Variants in DNAAF9 observed in about 807,000 individuals in gnomAD.
DNAAF9 encodes shulin.
In DNAAF9, 90 loss-of-function variants were observed where a neutral mutation model predicts 167.0. That is an observed-to-expected ratio of 0.54 (90% CI 0.45 to 0.64). DNAAF9 has a LOEUF of 0.64. Ranked by LOEUF, DNAAF9 falls within the 30% of genes least tolerant of loss-of-function variation. The pLI, the probability that DNAAF9 is intolerant of heterozygous loss-of-function variation, is 0.00. For synonymous variants in DNAAF9, 491 were observed against 508.8 expected, an observed-to-expected ratio of 0.96 and a Z score of 0.47; for missense variants, 1,315 against 1,442.2, an observed-to-expected ratio of 0.91 and a Z score of 1.43.
Position 3,374,150 on chromosome 20 carries a change from G to A in DNAAF9, c.510C>T (p.His170=). 1 of 1,604,398 alleles carries A rather than the reference G, an allele frequency of 6.2e-7. No homozygotes were observed. The change falls in exon 6 of 37, where the codon CAC becomes CAT. Residue 170 remains histidine (H), a synonymous_variant. Coordinates refer to ENST00000252032, the MANE Select transcript of DNAAF9 (RefSeq NM_001009984.3). ...RIGIPYSSQG[H]LQIFDMFVVE... ...CCACAAACATATCAAATATCTGCAA[G>A]TGACCTAGAAGAATCAAATACAACA...
At chr20:3,356,658 G>C (rs1252608679) in intron 7 of DNAAF9, among the ~76,000 whole-genome samples, 1 of 152,044 alleles carries the variant, frequency 6.6e-6, no homozygotes, top group Non-Finnish European at 1.5e-5. Flanking sequence ...CTGCAGGCTG[G>C]CTATGGCTCA....
chr20:3,265,597 A>G (rs1156866906), intron 30 of DNAAF9, among the ~76,000 whole-genome samples: 1 of 150,548 alleles, frequency 6.6e-6, no homozygotes, highest in South Asian at 2.1e-4. Context: ...AAAAAAAAAA[A>G]GACTATGTTC....
rs1199341347 is a variant in DNAAF9, at chr20:3,295,967, G to T, written c.2018+894C>A. 3.8e-6 allele frequency: 6 copies of T among 1,583,496 alleles called. No individual in the cohort carries two copies. In the African/African-American group the frequency reaches 5.4e-5, roughly 14 times the overall value. ...TGTGATGTTGGGGTGCCAGATCTTG[G>T]TCAGGCATTTCACTTTGGGAGGCAC... On this transcript the variant is annotated intron_variant, in intron 23 of 36. Coordinates refer to ENST00000252032, the MANE Select transcript of DNAAF9 (RefSeq NM_001009984.3).
At chr20:3,317,226 G>T (rs1187337285) in intron 17 of DNAAF9, among the ~76,000 whole-genome samples, 1 of 151,620 alleles carries the variant, frequency 6.6e-6, no homozygotes, top group Non-Finnish European at 1.5e-5. Flanking sequence ...AGCCAGGTGT[G>T]GTGGCGCATC....
At chr20:3,362,177 C>T (rs1455746847) in intron 6 of DNAAF9, 1 of 1,430,706 alleles carries the variant, frequency 7.0e-7, no homozygotes, top group South Asian at 1.2e-5. Context: ...ATTATCATCC[C>T]TGTCCATCTT....
chr20:3,357,251 C>A (rs2083297805), intron 7 of DNAAF9, among the ~76,000 whole-genome samples: 1 of 152,134 alleles, frequency 6.6e-6, no homozygotes, highest in Non-Finnish European at 1.5e-5. Flanking sequence ...GTGGGCGGAC[C>A]ACTTAAGGTC....
chr20:3,324,729 C>T (rs1259267376), intron 14 of DNAAF9, among the ~76,000 whole-genome samples, 163 bp downstream of exon 14: 1 of 152,152 alleles, frequency 6.6e-6, no homozygotes, highest in African/African-American at 2.4e-5. Context: ...GGCTCTTTGG[C>T]TTCTAAGTGA....
rs555721214 is a variant in DNAAF9 at position 3,395,069 on chromosome 20, G to A, written c.83+12406C>T. On this transcript the variant is annotated intron_variant, in intron 1 of 36. Coordinates refer to ENST00000252032, the MANE Select transcript of DNAAF9 (RefSeq NM_001009984.3). ...TGCAAGCTCCGCCTCCCGGGTTCAC[G>A]CCATTCTCCTGCCTCAGCCTCCCAT... Among the ~76,000 whole-genome samples, 541 of 139,482 alleles carry A rather than the reference G, an allele frequency of 3.9e-3. 32 individuals carry two copies. Among genetic ancestry groups the A allele is most frequent in the African/African-American group, 0.012 (453 of 36,470 alleles). The allele number at this position is 139,482 out of a possible 152,430, so 91.5% of individuals were successfully genotyped here.
intron 1 of DNAAF9, among the ~76,000 whole-genome samples, chr20:3,393,977 C>A (rs1358588653): frequency 6.6e-6 from 1 of 152,124 alleles, no homozygotes; most frequent in Non-Finnish European, 1.5e-5. Flanking sequence ...TACTCATATT[C>A]TTTACCTACT....
At chr20:3,263,384 T>C (rs2068429110) in intron 31 of DNAAF9, among the ~76,000 whole-genome samples, 1 of 152,086 alleles carries the variant, frequency 6.6e-6, no homozygotes, top group African/African-American at 2.4e-5. Context: ...CAAATAAACA[T>C]GAGAGATTAA....
chr20:3,306,913 T>C, intron 20 of DNAAF9: 1 of 985,300 alleles, frequency 1.0e-6, no homozygotes, highest in Non-Finnish European at 1.2e-6. Flanking sequence ...GCTCCATAGG[T>C]GTCACGAGGT....
rs1055481028 is a variant in DNAAF9, at chr20:3,252,337, G to C, written c.*235C>G. ...GCCAGTTGCACACGTAGACGGGCAG[G>C]CCCCATCTGCTCATCCTTGAGTATT... On this transcript the variant is annotated 3_prime_UTR_variant, in exon 37 of 37. Coordinates refer to ENST00000252032, the MANE Select transcript of DNAAF9 (RefSeq NM_001009984.3). 3 of 418,990 alleles carry C rather than the reference G, an allele frequency of 7.2e-6. No individual in the cohort carries two copies. The East Asian group carries it at 1.4e-4, about 19-fold the overall frequency. The allele number at this position is 418,990 out of a possible 1,614,324, so 26.0% of individuals were successfully genotyped here.
chr20:3,260,462 G>A (rs1258541111), intron 31 of DNAAF9, among the ~76,000 whole-genome samples: 2 of 152,196 alleles, frequency 1.3e-5, no homozygotes, highest in African/African-American at 4.8e-5. Context: ...TGGGAAGCAT[G>A]ACTGCCCAGT....
intron 6 of DNAAF9, among the ~76,000 whole-genome samples, chr20:3,372,288 G>A (rs2083520890): frequency 6.6e-6 from 1 of 152,188 alleles, no homozygotes; most frequent in African/African-American, 2.4e-5. Context: ...TCAAAGCACT[G>A]GGAAGGGCAG....
intron 10 of DNAAF9, among the ~76,000 whole-genome samples, chr20:3,336,266 T>G (rs1483424664): frequency 6.7e-6 from 1 of 149,348 alleles, no homozygotes; most frequent in African/African-American, 2.5e-5. Context: ...TTGTTTTTTT[T>G]TTTTTTTTTG....
At chr20:3,285,406 C>T (rs749290307) in intron 27 of DNAAF9, among the ~76,000 whole-genome samples, 3 of 151,906 alleles carry the variant, frequency 2.0e-5, no homozygotes, top group Non-Finnish European at 2.9e-5. Context: ...GAACTGGGCG[C>T]GGTGGCTCAC....
chr20:3,379,527 G>T (rs1364554267), intron 3 of DNAAF9, among the ~76,000 whole-genome samples: 8 of 152,066 alleles, frequency 5.3e-5, no homozygotes, highest in Admixed American at 1.3e-4. Flanking sequence ...GGCAGAGGCT[G>T]CAGTGAGCCA....
chr20:3,365,682 G>A (rs1300678549), intron 6 of DNAAF9, among the ~76,000 whole-genome samples: 1 of 152,134 alleles, frequency 6.6e-6, no homozygotes, highest in African/African-American at 2.4e-5. Context: ...ATGAGCCACC[G>A]TGCCTGGCCG....
At chr20:3,387,884 TAAAAAAAAAAAAAAAA>T (rs557861791) in intron 1 of DNAAF9, among the ~76,000 whole-genome samples, 11 of 87,368 alleles carry the variant, frequency 1.3e-4, no homozygotes, top group East Asian at 4.3e-4. Flanking sequence ...CTACAAAAAG[TAAAAAAAAAAAAAAAA>T]AAAAAAAAAA....
Sources: gnomAD v4.1 joint callset for allele counts (sites outside exome capture counted in the v4.1 genomes callset) on GRCh38, gnomAD v4.1.1 for gene constraint, MANE v1.5 for transcripts, NCBI Gene and HGNC (gene_info 2026-07-23, HGNC 2026-07-21) for gene names.